RIDA: variants seen among roughly 807,000 people sequenced by gnomAD.
RIDA encodes the protein reactive intermediate imine deaminase A.
Under a neutral mutation model 17.8 loss-of-function variants are expected in RIDA, and 17 were observed. That is an observed-to-expected ratio of 0.96 (90% CI 0.65 to 1.43). The LOEUF is 1.43. RIDA is among the 40% of genes most tolerant of loss of function. The probability of loss-of-function intolerance (pLI) is 0.00; values close to 1 mark genes in which losing one functional copy is unlikely to be tolerated. For missense variants in RIDA, 158 were observed against 161.7 expected (o/e 0.98, Z 0.12); for synonymous variants, 48 against 55.7 (o/e 0.86, Z 0.62).
At position 98,103,697 on chromosome 8, in the gene RIDA, C is replaced by T. The variant is rs186654724; in HGVS notation, c.351+792G>A. ...TGTCGCCCAGGCTGGAGTGCAGTGG[C>T]GCGATTTCGGCTCACTGCAAGCTCT... On this transcript the variant is annotated intron_variant, in intron 5 of 5. Transcript: ENST00000254878. Among the ~76,000 whole-genome samples the T allele has an allele frequency of 2.4e-4, 37 of 151,414 alleles. No homozygotes were observed. In the East Asian group the frequency reaches 5.1e-3, roughly 21 times the overall value.
At chr8:98,109,511 G>A (rs1157121477) in intron 1 of RIDA, among the ~76,000 whole-genome samples, 4 of 152,108 alleles carry the variant, frequency 2.6e-5, no homozygotes, top group East Asian at 1.9e-4. Context: ...ATACATTGTC[G>A]GTAGTAATGC....
chr8:98,114,928 A>G (rs544350912), intron 1 of RIDA, among the ~76,000 whole-genome samples: 20 of 152,274 alleles, frequency 1.3e-4, no homozygotes, highest in African/African-American at 4.8e-4. Context: ...ACAACAAAGT[A>G]AATGATTAAG....
At chr8:98,106,042 T>C (rs1815628323) in intron 3 of RIDA, 36 bp from the exon 4 acceptor site, 1 of 1,467,924 alleles carries the variant, frequency 6.8e-7, no homozygotes, top group East Asian at 2.3e-5. Context: ...GGTTTAGTTA[T>C]TTGGTCTGAC....
At position 98,117,150 on chromosome 8, in the gene RIDA, C is replaced by CA; in HGVS notation, c.-55_-54insT. Reference sequence around the variant, plus strand: ...CAGGAGAAGAAGCCCCAGCACCAGCCCTGCTGGCTTCTTACTGGACTGACC... The same window carrying CA: ...CAGGAGAAGAAGCCCCAGCACCAGCCACTGCTGGCTTCTTACTGGACTGACC... On this transcript the variant is annotated 5_prime_UTR_variant, in exon 1 of 6. Transcript: ENST00000254878. The CA allele has an allele frequency of 6.5e-7, 1 of 1,532,552 alleles. No homozygotes were observed. Among genetic ancestry groups the CA allele is most frequent in the Non-Finnish European group, 9.0e-7 (1 of 1,105,558 alleles). 94.9% of individuals were successfully genotyped at this position (1,532,552 alleles called of 1,614,324 possible).
intron 1 of RIDA, chr8:98,113,692 CA>C (rs1274752631): frequency 6.6e-6 from 1 of 152,194 alleles, no homozygotes; most frequent in Non-Finnish European, 1.5e-5. Context: ...ACAAAGTCCA[CA>C]GAGTATCTCT....
chr8:98,106,147 G>A, intron 3 of RIDA, 125 bp downstream of exon 3: 2 of 1,084,220 alleles, frequency 1.8e-6, no homozygotes, highest in Non-Finnish European at 1.4e-6. Flanking sequence ...TAGAACAGTT[G>A]CTATTTAAAA....
intron 1 of RIDA, among the ~76,000 whole-genome samples, chr8:98,109,188 A>G (rs1259356387): frequency 2.6e-5 from 4 of 152,170 alleles, no homozygotes; most frequent in African/African-American, 9.7e-5. Context: ...TGAGTAACAG[A>G]GAAAGACCCA....
At chr8:98,106,045 G>T in intron 3 of RIDA, 39 bp from the exon 4 acceptor site, 1 of 1,411,438 alleles carries the variant, frequency 7.1e-7, no homozygotes, top group South Asian at 1.2e-5. Context: ...TTAGTTATTT[G>T]GTCTGACCCA....
chr8:98,107,393 G>A (rs11774466), intron 2 of RIDA, among the ~76,000 whole-genome samples: 99,154 of 151,704 alleles, frequency 0.65, 33,163 homozygotes, highest in Non-Finnish European at 0.72. Context: ...GTGTGGTGGC[G>A]TGTGCCTGTA....
intron 1 of RIDA, among the ~76,000 whole-genome samples, chr8:98,110,890 A>G (rs1181904178): frequency 6.6e-6 from 1 of 152,148 alleles, no homozygotes; most frequent in African/African-American, 2.4e-5. Flanking sequence ...TAACAGTTTT[A>G]TAAGTGTCTG....
At chr8:98,103,675 C>T (rs374526924) in intron 5 of RIDA, among the ~76,000 whole-genome samples, 17 of 151,030 alleles carry the variant, frequency 1.1e-4, no homozygotes, top group African/African-American at 3.2e-4. Flanking sequence ...CTCGCTCTGT[C>T]GCCCAGGCTG....
Position 98,105,120 on chromosome 8 carries a change from C to CA in RIDA, c.296-577dup, listed in dbSNP as rs11354936. Among the ~76,000 whole-genome samples the CA allele has an allele frequency of 2.7e-4, 24 of 88,066 alleles. 1 individual carries two copies. In the East Asian group the frequency reaches 4.1e-3, roughly 15 times the overall value. The allele number at this position is 88,066 out of a possible 152,430, so 57.8% of individuals were successfully genotyped here. On this transcript the variant is annotated intron_variant, in intron 4 of 5. Transcript: ENST00000254878. ...TTTTTAAAATCTCTTAGCTTTCTGG[C>CA]AAAAAAAAAAAAAAAAAAAAAAAAG...
At chr8:98,116,577 T>C (rs1815831004) in intron 1 of RIDA, among the ~76,000 whole-genome samples, 1 of 152,026 alleles carries the variant, frequency 6.6e-6, no homozygotes, top group Non-Finnish European at 1.5e-5. Context: ...CTAATGGGGA[T>C]GGGATTTATT....
intron 1 of RIDA, among the ~76,000 whole-genome samples, chr8:98,109,309 T>C (rs1020587181): frequency 6.6e-6 from 1 of 152,246 alleles, no homozygotes; most frequent in South Asian, 2.1e-4. Context: ...AGAAGAACTC[T>C]TAAAAGTCAA....
intron 2 of RIDA, 46 bp from the exon 3 acceptor site, chr8:98,106,372 A>G (rs1300363108): frequency 6.7e-7 from 1 of 1,503,154 alleles, no homozygotes. Context: ...TGTTAGATTT[A>G]AAGCTTTAAT....
intron 5 of RIDA, 113 bp downstream of exon 5, chr8:98,104,376 C>T: frequency 2.6e-6 from 2 of 784,090 alleles, no homozygotes; most frequent in Non-Finnish European, 4.5e-6. Context: ...GGTAAGCCAC[C>T]CTGCCCAGGC....
At chr8:98,104,082 C>CTT (rs539041035) in intron 5 of RIDA, among the ~76,000 whole-genome samples, 1,349 of 127,976 alleles carry the variant, frequency 0.011, 14 homozygotes, top group African/African-American at 0.029. Flanking sequence ...TATTTCTTTT[C>CTT]TTTTTTTTTT....
chr8:98,107,594 GTTTTA>G (rs1002502708), intron 2 of RIDA, among the ~76,000 whole-genome samples: 1 of 152,046 alleles, frequency 6.6e-6, no homozygotes, highest in Non-Finnish European at 1.5e-5. Flanking sequence ...ATAGTTTATT[GTTTTA>G]TTTTATTTTA....
chr8:98,117,082 G>C lies in RIDA; in HGVS notation c.15C>G (p.Ile5Met), dbSNP rs748486001. The change falls in exon 1 of 6, where the codon ATC becomes ATG. Residue 5 changes from isoleucine (I) to methionine (M), a missense_variant. Physicochemically the swap from Ile to Met is conservative, Grantham distance 10 (BLOSUM62 1). Coordinates refer to ENST00000254878, the MANE Select transcript of RIDA (RefSeq NM_005836.3). ...CTTTCGCGGTGCTGATCACCCTTCT[G>C]ATCAAGGACGACATGGCTAAGCCTT... MSSLIRRVISTAKAP... is the reference protein window; with the variant it reads MSSLMRRVISTAKAP... The C allele has an allele frequency of 9.9e-6, 16 of 1,614,026 alleles. No homozygotes were observed. In the East Asian group the frequency reaches 3.3e-4, roughly 34 times the overall value.
Sources: allele counts gnomAD v4.1 joint callset (sites outside exome capture counted in the v4.1 genomes callset), GRCh38; gene constraint gnomAD v4.1.1; transcripts MANE v1.5; gene names NCBI Gene and HGNC (gene_info 2026-07-23, HGNC 2026-07-21).